Variants in TAF12 observed in about 807,000 individuals in gnomAD.
TAF12 encodes the protein transcription initiation factor TFIID subunit 12.
In TAF12, 3 loss-of-function variants were observed where a neutral mutation model predicts 20.8. That is an observed-to-expected ratio of 0.14 (90% CI 0.07 to 0.37). The LOEUF (loss-of-function observed/expected upper bound fraction) is 0.37, where lower values mean the gene tolerates loss of function less well. Ranked by LOEUF, TAF12 falls within the 10% of genes least tolerant of loss-of-function variation. The pLI is 1.00. For missense variants in TAF12, 131 were observed against 197.9 expected, an observed-to-expected ratio of 0.66 and a Z score of 2.03; for synonymous variants, 69 against 70.2, an observed-to-expected ratio of 0.98 and a Z score of 0.09.
intron 1 of TAF12, among the ~76,000 whole-genome samples, chr1:28,639,854 T>C (rs893448329): frequency 1.3e-5 from 2 of 152,048 alleles, no homozygotes; most frequent in African/African-American, 4.8e-5. Context: ...TACTTTTTTT[T>C]TTTTTCAGAC....
chr1:28,643,011 C>A lies in TAF12; in HGVS notation c.-104G>T. 2.0e-6 allele frequency: 2 copies of A among 986,018 alleles called. No individual in the cohort carries two copies. The highest frequency in any genetic ancestry group is 1.2e-6 in the Non-Finnish European group (1 of 830,048). The allele number at this position is 986,018 out of a possible 1,614,324, so 61.1% of individuals were successfully genotyped here. A position where few individuals can be genotyped will look rare whatever the true frequency, so the allele number is the denominator to read the frequency against. ...ACTCACAGGCAGCAGCGTCTATCTC[C>A]CCATGATATGCAGAGACTGCCCCAG... On this transcript the variant is annotated 5_prime_UTR_variant, in exon 1 of 6. Coordinates refer to ENST00000373824, the MANE Select transcript of TAF12 (RefSeq NM_005644.4).
At chr1:28,618,534 ATTTTTTTTTTTT>A (rs968347496) in intron 2 of TAF12, among the ~76,000 whole-genome samples, 1 of 125,704 alleles carries the variant, frequency 8.0e-6, no homozygotes, top group African/African-American at 3.1e-5. Context: ...TACCTGGCTA[ATTTTTTTTTTTT>A]TTTTTTTTTT....
At chr1:28,639,355 G>A (rs1667957257) in intron 1 of TAF12, among the ~76,000 whole-genome samples, 1 of 146,648 alleles carries the variant, frequency 6.8e-6, no homozygotes, top group Non-Finnish European at 1.5e-5. Context: ...GGTGAAAGTT[G>A]GAGTGAGCCA....
chr1:28,645,431 C>T (rs958501159), upstream of TAF12, among the ~76,000 whole-genome samples: 3 of 148,180 alleles, frequency 2.0e-5, no homozygotes, highest in Admixed American at 6.7e-5. Flanking sequence ...AGGAGGATCA[C>T]GAGGTCAGGA....
At chr1:28,613,175 T>G in intron 4 of TAF12, 72 bp downstream of exon 4, 1 of 1,318,694 alleles carries the variant, frequency 7.6e-7, no homozygotes, top group Non-Finnish European at 1.0e-6. Flanking sequence ...AAGGTTCCTC[T>G]GACTACACTT....
chr1:28,607,502 G>A (rs552700240), intron 4 of TAF12, among the ~76,000 whole-genome samples: 7 of 152,080 alleles, frequency 4.6e-5, no homozygotes, highest in African/African-American at 1.7e-4. Context: ...GAAACCTGGT[G>A]TCTACTAAAA....
rs151270348 is a variant in TAF12 at position 28,641,292 on chromosome 1, G to A, written c.-85+1700C>T. Among the ~76,000 whole-genome samples the A allele has an allele frequency of 5.9e-4, 90 of 152,092 alleles. 1 individual carries two copies. The East Asian group carries it at 0.016, about 28-fold the overall frequency. ...AGATCAGGAGTTCGAAACACAGCCTGGCCAACATGGCAAAAACCTGTCTCT... is the reference window on the plus strand; with the variant it reads ...AGATCAGGAGTTCGAAACACAGCCTAGCCAACATGGCAAAAACCTGTCTCT... On this transcript the variant is annotated intron_variant, in intron 1 of 5. Coordinates refer to ENST00000373824, the MANE Select transcript of TAF12 (RefSeq NM_005644.4).
chr1:28,620,262 T>A (rs1190764576), intron 2 of TAF12, among the ~76,000 whole-genome samples: 1 of 150,452 alleles, frequency 6.6e-6, no homozygotes, highest in African/African-American at 2.5e-5. Flanking sequence ...GCCTCCTGAG[T>A]AGCTGGGACT....
chr1:28,647,971 ACT>A (rs1366487647), upstream of TAF12, among the ~76,000 whole-genome samples: 1 of 151,354 alleles, frequency 6.6e-6, no homozygotes, highest in Non-Finnish European at 1.5e-5. Context: ...TTATTCTACA[ACT>A]CTTTTCACTC....
rs35847599 is a variant in TAF12 at position 28,623,487 on chromosome 1, A to AAAATAAATAAAT, written c.-84-1334_-84-1323dup. On this transcript the variant is annotated intron_variant, in intron 1 of 5. Coordinates refer to ENST00000373824, the MANE Select transcript of TAF12 (RefSeq NM_005644.4). ...CGAAACTCCATCTCAAATAATAATA[A>AAAATAAATAAAT]AAATAAATAAATAAATAAATAAATA... Among the ~76,000 whole-genome samples, 817 of 149,732 alleles carry AAAATAAATAAAT rather than the reference A, an allele frequency of 5.5e-3. 6 individuals carry two copies. The highest frequency in any genetic ancestry group is 0.019 in the African/African-American group (777 of 40,810).
At chr1:28,634,827 G>T (rs1667761628) in intron 1 of TAF12, among the ~76,000 whole-genome samples, 1 of 152,136 alleles carries the variant, frequency 6.6e-6, no homozygotes, top group Non-Finnish European at 1.5e-5. Flanking sequence ...TACTCGGGAA[G>T]CTGAGGCAGG....
At chr1:28,618,427 G>C (rs146402647) in intron 2 of TAF12, among the ~76,000 whole-genome samples, 15 of 152,114 alleles carry the variant, frequency 9.9e-5, no homozygotes, top group Admixed American at 4.6e-4. Flanking sequence ...TTGCCCACTG[G>C]AGTGCAGTGG....
intron 1 of TAF12, among the ~76,000 whole-genome samples, chr1:28,633,263 T>A (rs1667701400): frequency 6.7e-6 from 1 of 148,542 alleles, no homozygotes. Context: ...GCCTCCCGGG[T>A]TCAAGCGATT....
chr1:28,639,139 A>G (rs532564869), intron 1 of TAF12, among the ~76,000 whole-genome samples: 1 of 149,496 alleles, frequency 6.7e-6, no homozygotes, highest in African/African-American at 2.5e-5. Context: ...CAGTGGTGTG[A>G]TCTCGGCTCA....
intron 3 of TAF12, among the ~76,000 whole-genome samples, chr1:28,613,961 C>T (rs748692461): frequency 2.0e-5 from 3 of 152,130 alleles, no homozygotes; most frequent in Non-Finnish European, 4.4e-5. Context: ...ATAAATAGGC[C>T]GGGCGTGGTG....
chr1:28,619,702 G>A (rs1165781072), intron 2 of TAF12, among the ~76,000 whole-genome samples: 2 of 137,422 alleles, frequency 1.5e-5, no homozygotes, highest in East Asian at 4.2e-4. Flanking sequence ...TGTAATCCTA[G>A]CACTTTGGGA....
intron 5 of TAF12, among the ~76,000 whole-genome samples, chr1:28,604,526 G>C (rs962851328): frequency 3.3e-5 from 5 of 152,156 alleles, no homozygotes; most frequent in African/African-American, 1.2e-4. Flanking sequence ...GCTGAAAATG[G>C]TTAACTTGGG....
intron 1 of TAF12, among the ~76,000 whole-genome samples, chr1:28,640,035 G>A (rs4252968): frequency 5.1e-4 from 77 of 152,216 alleles, no homozygotes; most frequent in African/African-American, 1.8e-3. Context: ...TAGAGACGGG[G>A]TTTTGCCATG....
chr1:28,646,030 T>C (rs189585414), upstream of TAF12: 8 of 151,608 alleles, frequency 5.3e-5, no homozygotes, highest in East Asian at 1.5e-3. Flanking sequence ...TCCCAACACT[T>C]TGGGAGGCGC....
Sources: allele counts gnomAD v4.1 joint callset (sites outside exome capture counted in the v4.1 genomes callset), GRCh38; gene constraint gnomAD v4.1.1; transcripts MANE v1.5; gene names NCBI Gene and HGNC (gene_info 2026-07-23, HGNC 2026-07-21).